The following NEO1 variants were observed in gnomAD, a reference collection of about 807,000 sequenced individuals.
NEO1 encodes the protein neogenin.
A neutral mutation model predicts 159.7 loss-of-function variants in NEO1; 63 were observed. That is an observed-to-expected ratio of 0.39 (90% CI 0.32 to 0.49). NEO1 has a LOEUF of 0.49. Among genes scored for constraint, NEO1 ranks in the 20% least tolerant of loss-of-function variants. The pLI is 0.85. For synonymous variants in NEO1, 633 were observed against 662.0 expected, an observed-to-expected ratio of 0.96 and a Z score of 0.67; for missense variants, 1,615 against 1,831.0, an observed-to-expected ratio of 0.88 and a Z score of 2.15.
At chr15:73,168,965 G>A (rs1328390046) in intron 5 of NEO1, among the ~76,000 whole-genome samples, 1 of 151,864 alleles carries the variant, frequency 6.6e-6, no homozygotes. Context: ...GGACAAAATT[G>A]ATTTCTTTCT....
chr15:73,237,553 T>C (rs1449534374), intron 8 of NEO1, among the ~76,000 whole-genome samples: 1 of 152,218 alleles, frequency 6.6e-6, no homozygotes, highest in Non-Finnish European at 1.5e-5. Flanking sequence ...AGCATGCTTA[T>C]AGTTGATGTA....
At chr15:73,291,041 T>G (rs1258444144) in intron 25 of NEO1, among the ~76,000 whole-genome samples, 1 of 152,204 alleles carries the variant, frequency 6.6e-6, no homozygotes, top group Non-Finnish European at 1.5e-5. Flanking sequence ...AGCTTATGCT[T>G]GTGGTCCTTG....
intron 4 of NEO1, among the ~76,000 whole-genome samples, chr15:73,132,793 A>G (rs756533595): frequency 6.6e-6 from 1 of 152,196 alleles, no homozygotes. Context: ...GCTCAACATC[A>G]TTAATTATGA....
chr15:73,247,982 C>T (rs2039883470), intron 9 of NEO1, among the ~76,000 whole-genome samples: 1 of 152,094 alleles, frequency 6.6e-6, no homozygotes, highest in African/African-American at 2.4e-5. Context: ...CTTGAGCCCA[C>T]GTTTTAGAAT....
At chr15:73,241,717 G>A (rs1474928925) in intron 8 of NEO1, among the ~76,000 whole-genome samples, 2 of 152,154 alleles carry the variant, frequency 1.3e-5, no homozygotes, top group Non-Finnish European at 2.9e-5. Context: ...ACACTTAAGA[G>A]AATTGTTGTT....
At chr15:73,249,807 A>G in intron 11 of NEO1, 86 bp downstream of exon 11, 15 of 1,433,656 alleles carry the variant, frequency 1.0e-5, no homozygotes, top group Non-Finnish European at 1.3e-5. Flanking sequence ...GATGTCTAGA[A>G]GATTCAGTTC....
chr15:73,275,942 G>C (rs1465835107), intron 21 of NEO1, among the ~76,000 whole-genome samples: 1 of 152,202 alleles, frequency 6.6e-6, no homozygotes, highest in Non-Finnish European at 1.5e-5. Flanking sequence ...CTAATGGCAA[G>C]GAAGAGTCAG....
At chr15:73,199,348 G>T (rs2036728298) in intron 7 of NEO1, among the ~76,000 whole-genome samples, 2 of 151,570 alleles carry the variant, frequency 1.3e-5, no homozygotes, top group African/African-American at 4.9e-5. Flanking sequence ...GTGTTTATCA[G>T]ATTTCTCCAC....
intron 27 of NEO1, 57 bp from the exon 28 acceptor site, chr15:73,301,264 A>G (rs2042600275): frequency 1.2e-6 from 2 of 1,608,994 alleles, no homozygotes; most frequent in Non-Finnish European, 1.7e-6. Flanking sequence ...TAGGGCCTTC[A>G]TGAGGTCTAG....
chr15:73,183,242 C>T (rs2035721215), intron 7 of NEO1, among the ~76,000 whole-genome samples: 1 of 152,062 alleles, frequency 6.6e-6, no homozygotes. Context: ...GCCTGGGAGA[C>T]AGGACAAAGG....
chr15:73,110,292 T>C (rs1486852942), intron 1 of NEO1, among the ~76,000 whole-genome samples: 2 of 152,200 alleles, frequency 1.3e-5, no homozygotes, highest in African/African-American at 4.8e-5. Flanking sequence ...GTGATACTTT[T>C]CTTACAATGA....
intron 23 of NEO1, among the ~76,000 whole-genome samples, chr15:73,286,637 A>G (rs372645612): frequency 6.6e-6 from 1 of 152,216 alleles, no homozygotes; most frequent in South Asian, 2.1e-4. Flanking sequence ...TGAATGTCTC[A>G]GAGACATTTC....
At position 73,266,401 on chromosome 15, in the gene NEO1, G is replaced by T; in HGVS notation, c.2484G>T (p.Arg828Ser). 1 of 1,611,140 alleles carries T rather than the reference G, an allele frequency of 6.2e-7. No individual in the cohort carries two copies. The highest frequency in any genetic ancestry group is 8.5e-7 in the Non-Finnish European group (1 of 1,178,318). Reference sequence around the variant, plus strand: ...CCCTGTATGAGAGTGCTGTGACCAGGCCTCACACAGGTAAGGTATCCTATC... The same window carrying T: ...CCCTGTATGAGAGTGCTGTGACCAGTCCTCACACAGGTAAGGTATCCTATC... ...GIPLYESAVT[R>S]PHTDTSEVDL... Residue 828 changes from arginine (R) to serine (S), a missense_variant, in exon 16 of 29, where the codon AGG becomes AGT. Physicochemically the swap from Arg to Ser is moderately radical, Grantham distance 110 (BLOSUM62 -1). Transcript: ENST00000261908.
At chr15:73,052,296 G>T (rs1321127908), upstream of NEO1, among the ~76,000 whole-genome samples, 2 of 93,462 alleles carry the variant, frequency 2.1e-5, no homozygotes, top group South Asian at 7.2e-4. Context: ...CGGGACTCCC[G>T]CCCCCCGCCC....
At chr15:73,275,046 A>T (rs2041346093) in intron 21 of NEO1, among the ~76,000 whole-genome samples, 1 of 152,198 alleles carries the variant, frequency 6.6e-6, no homozygotes, top group Admixed American at 6.5e-5. Context: ...TTAAGTCATG[A>T]TTAGACCGAT....
At position 73,242,330 on chromosome 15, in the gene NEO1, G is replaced by A. The variant is rs559828134; in HGVS notation, c.1452-2014G>A. Among the ~76,000 whole-genome samples, 11 of 152,082 alleles carry A rather than the reference G, an allele frequency of 7.2e-5. No individual in the cohort carries two copies. The East Asian group carries it at 1.2e-3, about 16-fold the overall frequency. Reference sequence around the variant, plus strand: ...TTTTTATGTTATATGTATTATATACGGTATTCTTGCAGTAAAGTAAGCTAG... The same window carrying A: ...TTTTTATGTTATATGTATTATATACAGTATTCTTGCAGTAAAGTAAGCTAG... On this transcript the variant is annotated intron_variant, in intron 8 of 28. Coordinates refer to ENST00000261908, the MANE Select transcript of NEO1 (RefSeq NM_002499.4).
rs144410846 is a variant in NEO1, at chr15:73,296,845, A to G, written c.3902-1503A>G. Among the ~76,000 whole-genome samples, 10 of 152,340 alleles carry G rather than the reference A, an allele frequency of 6.6e-5. No individual in the cohort carries two copies. In the East Asian group the frequency reaches 7.7e-4, roughly 12 times the overall value. ...CCCCAGTGGAATGGCGTAAGATTTC[A>G]TCATGCTACTCAGAACGGTGCAAAA... On this transcript the variant is annotated intron_variant, in intron 26 of 28. Coordinates refer to ENST00000261908, the MANE Select transcript of NEO1 (RefSeq NM_002499.4).
chr15:73,251,470 C>T (rs909861310), intron 11 of NEO1, among the ~76,000 whole-genome samples: 9 of 143,804 alleles, frequency 6.3e-5, no homozygotes, highest in Non-Finnish European at 1.3e-4. Flanking sequence ...GCTGTGATTA[C>T]ACCACTGCAC....
chr15:73,263,190 C>CTTT (rs33959030), intron 15 of NEO1, among the ~76,000 whole-genome samples: 14 of 124,152 alleles, frequency 1.1e-4, no homozygotes, highest in East Asian at 2.3e-4. Flanking sequence ...TCATAGTTGA[C>CTTT]TTTTTTTTTT....
Sources: gnomAD v4.1 joint callset for allele counts (sites outside exome capture counted in the v4.1 genomes callset) on GRCh38, gnomAD v4.1.1 for gene constraint, MANE v1.5 for transcripts, NCBI Gene and HGNC (gene_info 2026-07-23, HGNC 2026-07-21) for gene names.